The following PCDHA13 variants were observed in gnomAD, a reference collection of about 807,000 sequenced individuals.
PCDHA13 encodes protocadherin alpha 13, also known as protocadherin alpha-13.
Under a neutral mutation model 64.8 loss-of-function variants are expected in PCDHA13, and 54 were observed. That is an observed-to-expected ratio of 0.83 (90% CI 0.67 to 1.04). The LOEUF (loss-of-function observed/expected upper bound fraction) is 1.04, where lower values mean the gene tolerates loss of function less well. PCDHA13 is among the 50% of genes least tolerant of loss of function. PCDHA13 has a pLI of 0.00. For missense variants in PCDHA13, 1,248 were observed against 1,254.3 expected (o/e 0.99, Z 0.08); for synonymous variants, 587 against 564.4 (o/e 1.04, Z -0.57).
intron 1 of PCDHA13, among the ~76,000 whole-genome samples, chr5:140,913,656 T>A (rs2076420236): frequency 6.6e-6 from 1 of 152,152 alleles, no homozygotes; most frequent in African/African-American, 2.4e-5. Context: ...TTCTTTAAGA[T>A]GTATAGTTAG....
intron 1 of PCDHA13, among the ~76,000 whole-genome samples, chr5:140,956,861 A>T (rs2095316106): frequency 6.6e-6 from 1 of 152,194 alleles, no homozygotes; most frequent in Non-Finnish European, 1.5e-5. Flanking sequence ...TGGTTGAATG[A>T]ATGTGTGAAA....
At chr5:140,893,219 G>T (rs1273209081) in intron 1 of PCDHA13, among the ~76,000 whole-genome samples, 1 of 152,194 alleles carries the variant, frequency 6.6e-6, no homozygotes. Context: ...GGAGGTGCAG[G>T]TATCACTTTG....
intron 1 of PCDHA13, chr5:140,967,037 G>C (rs1429896772): frequency 2.5e-6 from 4 of 1,611,378 alleles, no homozygotes; most frequent in South Asian, 1.1e-5. Flanking sequence ...GCGCTACCTG[G>C]AGCTGGACCT....
At chr5:140,928,868 C>G (rs374918492) in intron 1 of PCDHA13, 32 of 1,614,062 alleles carry the variant, frequency 2.0e-5, no homozygotes, top group Non-Finnish European at 2.6e-5. Context: ...TTGAGCAACT[C>G]TGTCCCTCAG....
intron 1 of PCDHA13, among the ~76,000 whole-genome samples, chr5:140,953,010 G>C (rs116014174): frequency 0.016 from 2,468 of 152,152 alleles, 61 homozygotes; most frequent in African/African-American, 0.055. Flanking sequence ...ACTATTATGA[G>C]AACAACATTA....
intron 1 of PCDHA13, among the ~76,000 whole-genome samples, chr5:140,935,606 T>C (rs531169810): frequency 6.6e-6 from 1 of 152,352 alleles, no homozygotes; most frequent in East Asian, 1.9e-4. Flanking sequence ...GAGCTAGGCT[T>C]TTTTCAAGTC....
At chr5:140,924,183 A>G (rs1554201796) in intron 1 of PCDHA13, among the ~76,000 whole-genome samples, 1 of 152,230 alleles carries the variant, frequency 6.6e-6, no homozygotes, top group Non-Finnish European at 1.5e-5. Context: ...GAAGCAGAAA[A>G]TTAGTTTTGG....
At chr5:140,978,030 A>T (rs2096786422) in intron 1 of PCDHA13, among the ~76,000 whole-genome samples, 1 of 152,194 alleles carries the variant, frequency 6.6e-6, no homozygotes, top group Non-Finnish European at 1.5e-5. Flanking sequence ...GCTTACTGAT[A>T]CAAGACAGTG....
chr5:140,936,054 G>A (rs1198755229), intron 1 of PCDHA13, among the ~76,000 whole-genome samples: 2 of 151,770 alleles, frequency 1.3e-5, no homozygotes, highest in Non-Finnish European at 1.5e-5. Flanking sequence ...CACCACACCC[G>A]GCTAATTTTT....
chr5:140,882,299 C>T lies in PCDHA13; in HGVS notation c.31C>T (p.Pro11Ser), dbSNP rs781797969. 2.0e-5 allele frequency: 33 copies of T among 1,613,690 alleles called. No individual in the cohort carries two copies. Among genetic ancestry groups the T allele is most frequent in the Non-Finnish European group, 2.7e-5 (32 of 1,179,746 alleles). The change falls in exon 1 of 4, where the codon CCG (proline) becomes TCG (serine). Residue 11 changes from proline to serine, a missense_variant. Coordinates refer to ENST00000289272, the MANE Select transcript of PCDHA13 (RefSeq NM_018904.3). ...GTCTTCCTGGCAAGGAGGCCCAAGA[C>T]CGCGGCAACTACTGCTCTGGCTTCT... Reference protein sequence around the residue: MLSSWQGGPRPRQLLLWLLIL... With the variant: MLSSWQGGPRSRQLLLWLLIL...
rs185216314 is a variant in PCDHA13, at chr5:140,968,202, A to G, written c.2395-10747A>G. On this transcript the variant is annotated intron_variant, in intron 1 of 3. Transcript: ENST00000289272. ...GAGGACTCCTATTCCATCTACATACAGGAGAACAATTTGCCAGGTGTGTTG... is the reference window on the plus strand; with the variant it reads ...GAGGACTCCTATTCCATCTACATACGGGAGAACAATTTGCCAGGTGTGTTG... The G allele has an allele frequency of 3.7e-5, 60 of 1,614,044 alleles. 1 individual carries two copies. The East Asian group carries it at 1.1e-3, about 29-fold the overall frequency.
intron 1 of PCDHA13, chr5:140,968,110 G>A: frequency 1.2e-6 from 2 of 1,614,172 alleles, no homozygotes; most frequent in Non-Finnish European, 1.7e-6. Context: ...GAATACCGCA[G>A]CTCACATCCC....
chr5:140,910,737 G>A (rs1405978966), intron 1 of PCDHA13, among the ~76,000 whole-genome samples: 2 of 152,008 alleles, frequency 1.3e-5, no homozygotes, highest in African/African-American at 4.8e-5. Context: ...AGCTAACCAA[G>A]CACATAAATT....
chr5:141,005,701 CAAAAAAAAAAA>C (rs59860837), intron 3 of PCDHA13, among the ~76,000 whole-genome samples: 24 of 7,788 alleles, frequency 3.1e-3, no homozygotes, highest in African/African-American at 7.5e-3. Flanking sequence ...AACTCCGTCT[CAAAAAAAAAAA>C]AAAAAAAAAA....
rs71583613 is a variant in PCDHA13 at position 141,001,265 on chromosome 5, T to G, written c.2543-8362T>G. 5.1e-4 allele frequency among the ~76,000 whole-genome samples: 78 copies of G among 152,286 alleles called. No individual in the cohort carries two copies. In the Middle Eastern group the frequency reaches 0.01, roughly 20 times the overall value. On this transcript the variant is annotated intron_variant, in intron 3 of 3. Transcript: ENST00000289272. ...CAACCCTATGGGGCGGGCACTCTTATGAACTTTTTTTACGGATGAAAACTG... is the reference window on the plus strand; with the variant it reads ...CAACCCTATGGGGCGGGCACTCTTAGGAACTTTTTTTACGGATGAAAACTG...
chr5:140,906,243 A>T (rs2072484346), intron 1 of PCDHA13, among the ~76,000 whole-genome samples: 1 of 152,190 alleles, frequency 6.6e-6, no homozygotes, highest in South Asian at 2.1e-4. Flanking sequence ...GTCAACTTGA[A>T]CCCATACACA....
At chr5:140,888,624 C>T (rs2061910720) in intron 1 of PCDHA13, among the ~76,000 whole-genome samples, 1 of 152,198 alleles carries the variant, frequency 6.6e-6, no homozygotes, top group Non-Finnish European at 1.5e-5. Flanking sequence ...CTAATTCGGC[C>T]TTCTATTACA....
At chr5:140,906,248 T>C (rs143429198) in intron 1 of PCDHA13, among the ~76,000 whole-genome samples, 45 of 152,272 alleles carry the variant, frequency 3.0e-4, no homozygotes, top group African/African-American at 1.1e-3. Context: ...CTTGAACCCA[T>C]ACACACCTCC....
In PCDHA13 at chr5:141,009,726, C is replaced by A. The variant is rs373683237; in HGVS notation, c.2642C>A (p.Pro881His). Residue 881 changes from proline to histidine, a missense_variant, in exon 4 of 4, where the codon CCC (proline) becomes CAC (histidine). By Grantham distance (77) the Pro-to-His change is moderately conservative (BLOSUM62 -2). Coordinates refer to ENST00000289272, the MANE Select transcript of PCDHA13 (RefSeq NM_018904.3). ...YGPGNPKQSGPGELPDKFIIP... is the reference protein window; with the variant it reads ...YGPGNPKQSGHGELPDKFIIP... The stretch of plus-strand genomic sequence containing the variant: ...CCAGGCAACCCCAAACAATCCGGTC[C>A]CGGTGAGTTGCCCGACAAATTCATT... 85 of 1,614,016 alleles carry A rather than the reference C, an allele frequency of 5.3e-5. No individual in the cohort carries two copies. Among genetic ancestry groups the A allele is most frequent in the Non-Finnish European group, 4.4e-5 (52 of 1,180,032 alleles).
Sources: allele counts gnomAD v4.1 joint callset (sites outside exome capture counted in the v4.1 genomes callset), GRCh38; gene constraint gnomAD v4.1.1; transcripts MANE v1.5; gene names NCBI Gene and HGNC (gene_info 2026-07-23, HGNC 2026-07-21).